The following PLD5 variants were observed in gnomAD, a reference collection of about 807,000 sequenced individuals.
The protein encoded by PLD5 is inactive phospholipase D5.
PLD5 carries 36 observed loss-of-function variants against 61.1 expected under a neutral mutation model. That is an observed-to-expected ratio of 0.59 (90% CI 0.45 to 0.78). PLD5 has a LOEUF of 0.78. PLD5 is among the 30% of genes least tolerant of loss of function. The pLI, the probability that PLD5 is intolerant of heterozygous loss-of-function variation, is 0.00. For synonymous variants in PLD5, 243 were observed against 242.8 expected (o/e 1.00, Z -0.01); for missense variants, 515 against 644.4 (o/e 0.80, Z 2.17).
chr1:242,117,528 C>A (rs1427513363), intron 6 of PLD5, among the ~76,000 whole-genome samples: 1 of 151,998 alleles, frequency 6.6e-6, no homozygotes, highest in African/African-American at 2.4e-5. Flanking sequence ...ATTATAGGTG[C>A]CCGCCACTAC....
chr1:242,394,906 G>T (rs1260664506), intron 1 of PLD5, among the ~76,000 whole-genome samples: 2 of 129,160 alleles, frequency 1.5e-5, no homozygotes, highest in African/African-American at 5.9e-5. Flanking sequence ...GATTATATAT[G>T]AATATATATG....
intron 5 of PLD5, among the ~76,000 whole-genome samples, chr1:242,142,017 A>G (rs181546232): frequency 2.0e-5 from 3 of 152,324 alleles, no homozygotes; most frequent in Non-Finnish European, 4.4e-5. Context: ...CAACAAAGTC[A>G]CTGAGTGCTC....
At chr1:242,251,618 A>T (rs1672708126) in intron 4 of PLD5, among the ~76,000 whole-genome samples, 1 of 152,072 alleles carries the variant, frequency 6.6e-6, no homozygotes, top group South Asian at 2.1e-4. Context: ...AAACCTGAAC[A>T]TGGAGAAAAG....
intron 1 of PLD5, among the ~76,000 whole-genome samples, chr1:242,424,260 C>T (rs1306347800): frequency 6.6e-6 from 1 of 152,164 alleles, no homozygotes; most frequent in Non-Finnish European, 1.5e-5. Context: ...CTCTTCTAAA[C>T]ACTAAATCTA....
rs775159493 is a variant in PLD5, at chr1:242,163,748, GAAAGGAGATGGA to G, written c.736-39095_736-39084del. Among the ~76,000 whole-genome samples, 5 of 151,950 alleles carry G rather than the reference GAAAGGAGATGGA, an allele frequency of 3.3e-5. No individual in the cohort carries two copies. In the East Asian group the frequency reaches 7.8e-4, roughly 24 times the overall value. Reference sequence around the variant, plus strand: ...AAAGTAAGGAGAGAAAGAAAAAGGTGAAAGGAGATGGAAAAGGAAATGGAAAGGAAGAAAGGA... The same window carrying G: ...AAAGTAAGGAGAGAAAGAAAAAGGTGAAAGGAAATGGAAAGGAAGAAAGGA... On this transcript the variant is annotated intron_variant, in intron 5 of 9. Coordinates refer to ENST00000536534, the MANE Select transcript of PLD5 (RefSeq NM_001372062.1).
In PLD5 at chr1:242,312,755, A is replaced by G. The variant is rs542792221; in HGVS notation, c.327-24225T>C. On this transcript the variant is annotated intron_variant, in intron 2 of 9. Coordinates refer to ENST00000536534, the MANE Select transcript of PLD5 (RefSeq NM_001372062.1). ...GCAGAAGGAAATTGGGCAGCAGGCC[A>G]TCACATCCCCCAGACTGCCATGCTG... 2.9e-4 allele frequency among the ~76,000 whole-genome samples: 44 copies of G among 152,362 alleles called. 2 individuals are homozygous for G. In the South Asian group the frequency reaches 9.1e-3, roughly 32 times the overall value.
chr1:242,345,970 G>T (rs1660104879), intron 2 of PLD5, among the ~76,000 whole-genome samples: 3 of 150,476 alleles, frequency 2.0e-5, no homozygotes. Flanking sequence ...GCAAGAAGCT[G>T]CAGAGGAAAG....
chr1:242,098,189 A>C (rs1660398542), intron 9 of PLD5, among the ~76,000 whole-genome samples: 1 of 152,188 alleles, frequency 6.6e-6, no homozygotes, highest in Admixed American at 6.5e-5. Flanking sequence ...CGTCACTTTC[A>C]GGTACACCAA....
chr1:242,129,214 G>A (rs1663045278), intron 5 of PLD5, among the ~76,000 whole-genome samples: 1 of 152,156 alleles, frequency 6.6e-6, no homozygotes. Flanking sequence ...CATAAACTAA[G>A]CTGCTGATTG....
At chr1:242,129,950 A>G (rs2148752662) in intron 5 of PLD5, among the ~76,000 whole-genome samples, 1 of 152,196 alleles carries the variant, frequency 6.6e-6, no homozygotes, top group East Asian at 1.9e-4. Context: ...AGTTCCATCC[A>G]TGTTGCTATA....
At chr1:242,191,527 A>G (rs1412602011) in intron 5 of PLD5, among the ~76,000 whole-genome samples, 1 of 150,398 alleles carries the variant, frequency 6.6e-6, no homozygotes, top group Non-Finnish European at 1.5e-5. Flanking sequence ...GGGAAGTTGC[A>G]GTGAGCCAAG....
intron 6 of PLD5, among the ~76,000 whole-genome samples, chr1:242,115,917 T>A (rs1440286010): frequency 6.6e-6 from 1 of 152,172 alleles, no homozygotes. Flanking sequence ...AAAAATATGG[T>A]GTTTGTAGAT....
In PLD5 at chr1:242,524,315, C is replaced by A. The variant is rs969027217; in HGVS notation, c.-39G>T. ...GGCGGCCGCCGGCGAGCAGCGGACT[C>A]GGGACGGGCGCGCGGGGAGCCGGGC... is the stretch of plus-strand genomic sequence containing the variant. On this transcript the variant is annotated 5_prime_UTR_variant, in exon 1 of 10. Transcript: ENST00000536534. 1.1e-5 allele frequency: 15 copies of A among 1,366,538 alleles called. No homozygotes were observed. In the South Asian group the frequency reaches 2.6e-4, roughly 24 times the overall value. The allele number at this position is 1,366,538 out of a possible 1,614,324, so 84.7% of individuals were successfully genotyped here.
intron 6 of PLD5, among the ~76,000 whole-genome samples, chr1:242,122,785 G>A (rs1662484548): frequency 1.3e-5 from 2 of 152,034 alleles, no homozygotes; most frequent in Non-Finnish European, 2.9e-5. Flanking sequence ...AAGACAACTT[G>A]AACTTTGTGT....
At chr1:242,305,752 T>C (rs1473892900) in intron 2 of PLD5, among the ~76,000 whole-genome samples, 3 of 152,102 alleles carry the variant, frequency 2.0e-5, no homozygotes, top group African/African-American at 4.8e-5. Context: ...AGTAGAGATA[T>C]GGTTTCACCA....
intron 1 of PLD5, among the ~76,000 whole-genome samples, chr1:242,370,983 GTT>G (rs1238400705): frequency 6.6e-6 from 1 of 152,060 alleles, no homozygotes; most frequent in Non-Finnish European, 1.5e-5. Flanking sequence ...ATTGTTTTAT[GTT>G]TCTTTTTCTA....
At chr1:242,215,078 CG>C (rs1046826483) in intron 5 of PLD5, among the ~76,000 whole-genome samples, 34 of 143,486 alleles carry the variant, frequency 2.4e-4, no homozygotes, top group African/African-American at 7.8e-5. Context: ...TTAGTAGAGA[CG>C]GGGTTTCACC....
chr1:242,177,268 A>C (rs1240262510), intron 5 of PLD5, among the ~76,000 whole-genome samples: 2 of 152,190 alleles, frequency 1.3e-5, no homozygotes, highest in Admixed American at 6.5e-5. Context: ...CTTTGCAGGC[A>C]CATGGATGAA....
intron 1 of PLD5, among the ~76,000 whole-genome samples, chr1:242,427,429 T>C (rs533107299): frequency 1.3e-5 from 2 of 152,350 alleles, no homozygotes; most frequent in South Asian, 2.1e-4. Flanking sequence ...GTGTGTCAGA[T>C]ATATTAACAA....
Sources: gnomAD v4.1 joint callset for allele counts (sites outside exome capture counted in the v4.1 genomes callset) on GRCh38, gnomAD v4.1.1 for gene constraint, MANE v1.5 for transcripts, NCBI Gene and HGNC (gene_info 2026-07-23, HGNC 2026-07-21) for gene names.